Variants in PIBF1 observed in about 807,000 individuals in gnomAD.
PIBF1 encodes progesterone-induced-blocking factor 1.
In PIBF1, 90 loss-of-function variants were observed where a neutral mutation model predicts 112.5. The ratio of observed to expected loss-of-function variants is 0.80; its 90% confidence interval spans 0.67 to 0.95. The LOEUF (loss-of-function observed/expected upper bound fraction) is 0.95. Ranked by LOEUF, PIBF1 falls within the 40% of genes least tolerant of loss-of-function variation. PIBF1 has a pLI of 0.00. For synonymous variants in PIBF1, 301 were observed against 288.6 expected, an observed-to-expected ratio of 1.04 and a Z score of -0.44; for missense variants, 915 against 852.3, an observed-to-expected ratio of 1.07 and a Z score of -0.92.
chr13:72,904,894 A>G (rs2040637017), intron 11 of PIBF1, among the ~76,000 whole-genome samples: 1 of 152,024 alleles, frequency 6.6e-6, no homozygotes, highest in Non-Finnish European at 1.5e-5. Flanking sequence ...ATTTTGAAGA[A>G]ATACACCATA....
At position 72,900,790 on chromosome 13, in the gene PIBF1, A is replaced by G. The variant is rs534406913; in HGVS notation, c.1488+6841A>G. 1.5e-4 allele frequency among the ~76,000 whole-genome samples: 23 copies of G among 152,310 alleles called. No individual in the cohort carries two copies. In the South Asian group the frequency reaches 4.3e-3, roughly 29 times the overall value. The stretch of plus-strand genomic sequence containing the variant: ...GTAATTCCAGCACTTTGGGAGGCCA[A>G]GGCAGGCAGATTACATGAGGTTGGG... On this transcript the variant is annotated intron_variant, in intron 11 of 17. Coordinates refer to ENST00000326291, the MANE Select transcript of PIBF1 (RefSeq NM_006346.4).
intron 5 of PIBF1, among the ~76,000 whole-genome samples, chr13:72,813,825 A>AAATTGATAGAG (rs1232974069): frequency 2.7e-5 from 4 of 148,968 alleles, no homozygotes; most frequent in African/African-American, 7.5e-5. Context: ...ACAAGGGAAG[A>AAATTGATAGAG]AATTGATAGA....
At chr13:72,835,685 C>T (rs1456065774) in intron 9 of PIBF1, among the ~76,000 whole-genome samples, 2 of 152,156 alleles carry the variant, frequency 1.3e-5, no homozygotes, top group South Asian at 2.1e-4. Flanking sequence ...ATCAGTTCTT[C>T]CTGTATTATA....
intron 9 of PIBF1, among the ~76,000 whole-genome samples, chr13:72,836,322 A>G (rs2037359376): frequency 6.6e-6 from 1 of 152,144 alleles, no homozygotes; most frequent in Non-Finnish European, 1.5e-5. Context: ...ATACTAGTTT[A>G]TCAGCACTGA....
intron 17 of PIBF1, 68 bp from the exon 18 acceptor site, chr13:73,015,801 C>A: frequency 1.1e-6 from 1 of 890,090 alleles, no homozygotes; most frequent in Non-Finnish European, 1.7e-6. Context: ...GTATATAGTT[C>A]TCTGAGTTGC....
In PIBF1 at chr13:72,873,347, T is replaced by G. The variant is rs140444505; in HGVS notation, c.1322+19192T>G. Reference sequence around the variant, plus strand: ...AGGGAAAACCTTAGAAACCTTGAGTTATCAAAGGTTGCATAAATAGGACAT... The same window carrying G: ...AGGGAAAACCTTAGAAACCTTGAGTGATCAAAGGTTGCATAAATAGGACAT... On this transcript the variant is annotated intron_variant, in intron 10 of 17. Coordinates refer to ENST00000326291, the MANE Select transcript of PIBF1 (RefSeq NM_006346.4). Among the ~76,000 whole-genome samples, 1,155 of 152,298 alleles carry G rather than the reference T, an allele frequency of 7.6e-3. 14 individuals carry two copies. The highest frequency in any genetic ancestry group is 0.014 in the Middle Eastern group (4 of 294).
intron 14 of PIBF1, among the ~76,000 whole-genome samples, chr13:72,944,902 A>T (rs995648313): frequency 1.3e-5 from 2 of 151,982 alleles, no homozygotes; most frequent in Non-Finnish European, 2.9e-5. Flanking sequence ...GAGTAGCTGG[A>T]ATTACAGGCT....
chr13:72,782,587 TATC>T (rs1443548519), intron 1 of PIBF1, among the ~76,000 whole-genome samples: 2 of 152,216 alleles, frequency 1.3e-5, no homozygotes, highest in African/African-American at 2.4e-5. Flanking sequence ...CACCTTTCCT[TATC>T]ATTCAGTTTA....
intron 5 of PIBF1, among the ~76,000 whole-genome samples, chr13:72,805,388 C>T (rs758404628): frequency 2.0e-5 from 3 of 152,156 alleles, no homozygotes; most frequent in Non-Finnish European, 4.4e-5. Flanking sequence ...GTCATCCGCC[C>T]GCCTTGACCT....
chr13:72,818,678 C>CTTTTTTTTTTTTTTTTTTTTTTTT (rs3077726), intron 5 of PIBF1, among the ~76,000 whole-genome samples: 1 of 80,372 alleles, frequency 1.2e-5, no homozygotes, highest in Non-Finnish European at 2.2e-5. Context: ...CAGTCTTAAA[C>CTTTTTTTTTTTTTTTTTTTTTTTT]TTTTTTTTTT....
At position 72,987,495 on chromosome 13, in the gene PIBF1, A is replaced by G. The variant is rs1022126154; in HGVS notation, c.2050-11327A>G. ...CTTGAAGATCTCTTCCAAACCTGAA[A>G]TTGTGTGTATCACAGACATTGATGG... On this transcript the variant is annotated intron_variant, in intron 16 of 17. Transcript: ENST00000326291. Among the ~76,000 whole-genome samples, 9 of 152,160 alleles carry G rather than the reference A, an allele frequency of 5.9e-5. No homozygotes were observed. In the East Asian group the frequency reaches 1.5e-3, roughly 26 times the overall value.
intron 16 of PIBF1, among the ~76,000 whole-genome samples, chr13:72,990,920 C>G (rs941365864): frequency 6.6e-6 from 1 of 152,146 alleles, no homozygotes; most frequent in African/African-American, 2.4e-5. Context: ...CTGGTTTTTA[C>G]CTTGTGTTAC....
intron 14 of PIBF1, among the ~76,000 whole-genome samples, chr13:72,954,796 T>C (rs1166899940): frequency 6.6e-6 from 1 of 152,218 alleles, no homozygotes; most frequent in Non-Finnish European, 1.5e-5. Flanking sequence ...TTCTGTTAAA[T>C]TCTTGTGTTG....
At chr13:72,864,949 G>T (rs1160296693) in intron 10 of PIBF1, among the ~76,000 whole-genome samples, 1 of 152,058 alleles carries the variant, frequency 6.6e-6, no homozygotes, top group Non-Finnish European at 1.5e-5. Context: ...ATTACTTCCA[G>T]TTTTAGAGAC....
intron 9 of PIBF1, among the ~76,000 whole-genome samples, chr13:72,845,434 G>A (rs1394100793): frequency 6.6e-6 from 1 of 152,176 alleles, no homozygotes; most frequent in East Asian, 1.9e-4. Context: ...TATAAATAGT[G>A]CTGCAATAAA....
At chr13:72,828,302 G>A (rs12873479) in intron 8 of PIBF1, among the ~76,000 whole-genome samples, 13,621 of 144,892 alleles carry the variant, frequency 0.094, 804 homozygotes, top group East Asian at 0.2. Flanking sequence ...TATACTTTAC[G>A]TTCTGGGGTA....
At chr13:72,933,560 G>A (rs2041775422) in intron 14 of PIBF1, among the ~76,000 whole-genome samples, 1 of 152,258 alleles carries the variant, frequency 6.6e-6, no homozygotes, top group Non-Finnish European at 1.5e-5. Flanking sequence ...TACCTGGGAA[G>A]CTGAGGCACG....
chr13:72,863,942 A>G (rs1017584132), intron 10 of PIBF1, among the ~76,000 whole-genome samples: 2 of 152,218 alleles, frequency 1.3e-5, no homozygotes, highest in African/African-American at 4.8e-5. Context: ...TTTTAAAAAC[A>G]TGGTTTAGGG....
chr13:72,937,297 C>T (rs2041895700), intron 14 of PIBF1, among the ~76,000 whole-genome samples: 1 of 151,526 alleles, frequency 6.6e-6, no homozygotes, highest in African/African-American at 2.4e-5. Context: ...CTTATTGTTG[C>T]TTATTGGCTA....
Sources: gnomAD v4.1 joint callset for allele counts (sites outside exome capture counted in the v4.1 genomes callset) on GRCh38, gnomAD v4.1.1 for gene constraint, MANE v1.5 for transcripts, NCBI Gene and HGNC (gene_info 2026-07-23, HGNC 2026-07-21) for gene names.